VAV2: variants seen among roughly 807,000 people sequenced by gnomAD.
VAV2 encodes the protein guanine nucleotide exchange factor VAV2.
VAV2 carries 67 observed loss-of-function variants against 132.5 expected under a neutral mutation model. The ratio of observed to expected loss-of-function variants is 0.51; its 90% confidence interval spans 0.42 to 0.62. VAV2 has a LOEUF of 0.62. Ranked by LOEUF, VAV2 falls within the 20% of genes least tolerant of loss-of-function variation. The probability of loss-of-function intolerance (pLI) is 0.00; values close to 1 mark genes in which losing one functional copy is unlikely to be tolerated. For synonymous variants in VAV2, 492 were observed against 443.5 expected (o/e 1.11, Z -1.37); for missense variants, 938 against 1,153.6 (o/e 0.81, Z 2.71).
chr9:133,966,339 G>C (rs1023197714), intron 1 of VAV2, among the ~76,000 whole-genome samples: 2 of 152,224 alleles, frequency 1.3e-5, no homozygotes, highest in Non-Finnish European at 2.9e-5. Context: ...ACAGAGTGAA[G>C]AGAAAACCTA....
intron 4 of VAV2, among the ~76,000 whole-genome samples, chr9:133,817,075 G>A (rs1297368711): frequency 6.6e-6 from 1 of 152,166 alleles, no homozygotes; most frequent in Non-Finnish European, 1.5e-5. Flanking sequence ...GTAATTTGGG[G>A]AGAACTGCCA....
intron 1 of VAV2, among the ~76,000 whole-genome samples, chr9:133,959,484 C>T (rs541886608): frequency 1.6e-3 from 238 of 152,196 alleles, no homozygotes; most frequent in African/African-American, 5.7e-3. Flanking sequence ...CCTGAGCTTT[C>T]AGGGCAGGCT....
At position 133,834,232 on chromosome 9, in the gene VAV2, CTCCCTCCTCTCCA is replaced by C. The variant is rs1373006860; in HGVS notation, c.449+27_449+39del. The C allele has an allele frequency of 6.3e-7, 1 of 1,580,756 alleles. No individual in the cohort carries two copies. On this transcript the variant is annotated intron_variant, in intron 4 of 29. Transcript: ENST00000371850. The surrounding 1 kb of genome is among the most constrained non-coding windows in gnomAD (Gnocchi z 5.9). Reference sequence around the variant, plus strand: ...GACACCACCAGGAACCTCCCTGCCCCTCCCTCCTCTCCATCCCTCCTCCCATCCCCCCGCCTTA... The same window carrying C: ...GACACCACCAGGAACCTCCCTGCCCCTCCCTCCTCCCATCCCCCCGCCTTA...
chr9:133,807,149 A>G, intron 8 of VAV2, 109 bp downstream of exon 8: 2 of 1,287,406 alleles, frequency 1.6e-6, no homozygotes, highest in Non-Finnish European at 2.1e-6. Context: ...GCCACCACGG[A>G]GCCACAGGGG....
rs140352279 is a variant in VAV2, at chr9:133,778,981, C to T, written c.1763-92G>A. ...CCGCAGCCCACCCCATCACCAAGCTCGGCCTCCCCCAGCACACACAGCCTT... is the reference window on the plus strand; with the variant it reads ...CCGCAGCCCACCCCATCACCAAGCTTGGCCTCCCCCAGCACACACAGCCTT... On this transcript the variant is annotated intron_variant, in intron 21 of 29. Transcript: ENST00000371850. The T allele has an allele frequency of 2.5e-5, 39 of 1,536,848 alleles. No individual in the cohort carries two copies. The African/African-American group carries it at 2.6e-4, about 10-fold the overall frequency.
chr9:133,787,747 C>G (rs949635711), intron 15 of VAV2, among the ~76,000 whole-genome samples: 1 of 152,050 alleles, frequency 6.6e-6, no homozygotes, highest in Non-Finnish European at 1.5e-5. Context: ...GCAGCTTCGG[C>G]CCCGTCCCTG....
chr9:133,771,622 G>T (rs963121615), intron 26 of VAV2, among the ~76,000 whole-genome samples: 3 of 152,204 alleles, frequency 2.0e-5, no homozygotes, highest in Non-Finnish European at 4.4e-5. Context: ...CCAGGCCCCA[G>T]CTGGAAGCCC....
intron 5 of VAV2, among the ~76,000 whole-genome samples, chr9:133,811,386 G>C (rs1434890832): frequency 6.6e-6 from 1 of 152,210 alleles, no homozygotes; most frequent in African/African-American, 2.4e-5. Context: ...TCAGCTTTCT[G>C]AGAAATTTCC....
At chr9:133,807,472 A>G (rs763884542) in intron 7 of VAV2, 146 bp from the exon 8 acceptor site, 22 of 744,108 alleles carry the variant, frequency 3.0e-5, no homozygotes, top group Non-Finnish European at 4.6e-5. Context: ...TTCTGGCCAC[A>G]TCGGGCTCCA....
At chr9:133,816,686 T>C (rs1263738538) in intron 4 of VAV2, among the ~76,000 whole-genome samples, 1 of 152,222 alleles carries the variant, frequency 6.6e-6, no homozygotes, top group Non-Finnish European at 1.5e-5. Flanking sequence ...TAAGTTATGA[T>C]CGTGCCACTG....
At chr9:133,865,957 C>T (rs1837781891) in intron 2 of VAV2, among the ~76,000 whole-genome samples, 1 of 152,226 alleles carries the variant, frequency 6.6e-6, no homozygotes, top group Non-Finnish European at 1.5e-5. Flanking sequence ...CTGCCAGAGA[C>T]TGTTTCCCTG....
rs915840822 is a variant in VAV2, at chr9:133,762,907, C to T, written c.*1155G>A. ...CTTTGGCAAGGAGCTGGGAGGGAGA[C>T]ACTGTTACCAGGTCTCATGCAACAT... On this transcript the variant is annotated 3_prime_UTR_variant, in exon 30 of 30. Transcript: ENST00000371850. This position sits in a 1 kb window ranked among gnomAD's most constrained non-coding sequence, Gnocchi z 5.0. 1.3e-5 allele frequency: 2 copies of T among 152,656 alleles called. No homozygotes were observed. Among genetic ancestry groups the T allele is most frequent in the Non-Finnish European group, 2.9e-5 (2 of 68,158 alleles). The allele number at this position is 152,656 out of a possible 1,614,324, so 9.5% of individuals were successfully genotyped here.
intron 9 of VAV2, among the ~76,000 whole-genome samples, chr9:133,800,060 T>C (rs559594770): frequency 6.6e-6 from 1 of 152,304 alleles, no homozygotes; most frequent in Admixed American, 6.5e-5. Flanking sequence ...GTTCTACCCA[T>C]GGGGACACTG....
chr9:133,932,922 G>A (rs531354556), intron 2 of VAV2, among the ~76,000 whole-genome samples: 6 of 152,354 alleles, frequency 3.9e-5, no homozygotes, highest in African/African-American at 1.4e-4. Context: ...GCTGACTCAT[G>A]GTGGGTCCCC....
At chr9:133,861,876 G>A (rs1255559932) in intron 2 of VAV2, among the ~76,000 whole-genome samples, 3 of 152,234 alleles carry the variant, frequency 2.0e-5, no homozygotes, top group African/African-American at 4.8e-5. Flanking sequence ...AGCCCAGAGA[G>A]GTCAAGTGAC....
intron 1 of VAV2, among the ~76,000 whole-genome samples, chr9:133,956,708 G>A (rs1841793002): frequency 6.6e-6 from 1 of 152,210 alleles, no homozygotes; most frequent in African/African-American, 2.4e-5. Context: ...AGGGGGCGAG[G>A]GAGCGGGAGG....
chr9:133,952,087 C>T (rs887858076), intron 1 of VAV2, among the ~76,000 whole-genome samples: 1 of 152,110 alleles, frequency 6.6e-6, no homozygotes, highest in African/African-American at 2.4e-5. Context: ...CTTACGACCT[C>T]ATCTAAACCC....
intron 17 of VAV2, among the ~76,000 whole-genome samples, 189 bp downstream of exon 17, chr9:133,785,587 G>T (rs977730914): frequency 1.3e-5 from 2 of 152,200 alleles, no homozygotes; most frequent in African/African-American, 4.8e-5. Context: ...TGGACTGATT[G>T]TTAAAGAGGA....
chr9:133,954,825 T>G (rs1841695906), intron 1 of VAV2, among the ~76,000 whole-genome samples: 1 of 152,080 alleles, frequency 6.6e-6, no homozygotes, highest in African/African-American at 2.4e-5. Flanking sequence ...GTATGTGCAG[T>G]GTGTGTCTGC....
Sources: gnomAD v4.1 joint callset for allele counts (sites outside exome capture counted in the v4.1 genomes callset) on GRCh38, gnomAD v4.1.1 for gene constraint, Gnocchi (gnomAD v3.1) non-coding constraint, MANE v1.5 for transcripts, NCBI Gene and HGNC (gene_info 2026-07-23, HGNC 2026-07-21) for gene names.